The following BCR variants were observed in gnomAD, a reference collection of about 807,000 sequenced individuals.
BCR encodes BCR activator of RhoGEF and GTPase, also known as breakpoint cluster region protein.
A neutral mutation model predicts 138.6 loss-of-function variants in BCR; 58 were observed. The observed-to-expected ratio is 0.42, with a 90% CI of 0.34 to 0.52. The LOEUF is 0.52. Ranked by LOEUF, BCR falls within the 20% of genes least tolerant of loss-of-function variation. The probability of loss-of-function intolerance (pLI) is 0.06; values close to 1 mark genes in which losing one functional copy is unlikely to be tolerated. For missense variants in BCR, 1,599 were observed against 1,727.2 expected, an observed-to-expected ratio of 0.93 and a Z score of 1.32; for synonymous variants, 786 against 730.1, an observed-to-expected ratio of 1.08 and a Z score of -1.23.
chr22:23,297,501 G>C lies in BCR; in HGVS notation c.3012+2346G>C, dbSNP rs190763843. On this transcript the variant is annotated intron_variant, in intron 16 of 22. Transcript: ENST00000305877. ...CTGGGTATTCAGGGAGGTAGAGGGA[G>C]CAGACTGCAAAGCCAGTCGTGCTCC... 4.2e-3 allele frequency among the ~76,000 whole-genome samples: 638 copies of C among 152,184 alleles called. 2 individuals carry two copies. Among genetic ancestry groups the C allele is most frequent in the African/African-American group, 0.015 (610 of 41,518 alleles).
intron 1 of BCR, among the ~76,000 whole-genome samples, chr22:23,246,897 A>G (rs1466402279): frequency 2.0e-5 from 3 of 151,940 alleles, no homozygotes; most frequent in Non-Finnish European, 4.4e-5. Flanking sequence ...GGAGCCCCCA[A>G]GATCCACAGC....
At chr22:23,262,087 ACGCC>A (rs2073366689) in intron 4 of BCR, 1 of 151,468 alleles carries the variant, frequency 6.6e-6, no homozygotes, top group Non-Finnish European at 1.5e-5. Flanking sequence ...CTACAGGTGC[ACGCC>A]ATCACACCCT....
In BCR at chr22:23,277,797, C is replaced by G. The variant is rs139519340; in HGVS notation, c.2115+4023C>G. ...ATCTCATTGCCCTTTTCAGCCACAT[C>G]CCATGGCTCCAGGGCTGTGCTCTTT... On this transcript the variant is annotated intron_variant, in intron 8 of 22. Coordinates refer to ENST00000305877, the MANE Select transcript of BCR (RefSeq NM_004327.4). 5.3e-5 allele frequency among the ~76,000 whole-genome samples: 8 copies of G among 152,316 alleles called. 1 individual carries two copies. Among genetic ancestry groups the G allele is most frequent in the East Asian group, 1.9e-4 (1 of 5,178 alleles).
chr22:23,268,217 G>C (rs1430410498), intron 4 of BCR, among the ~76,000 whole-genome samples, 191 bp from the exon 5 acceptor site: 1 of 152,162 alleles, frequency 6.6e-6, no homozygotes, highest in Non-Finnish European at 1.5e-5. Context: ...TTTTGGGAGC[G>C]GGAAGTGTGC....
At position 23,313,028 on chromosome 22, in the gene BCR, A is replaced by G. The variant is rs2074025575; in HGVS notation, c.3457+7A>G. ...AACTTCGCAGAGGGCATCGGTGAGC[A>G]CTGGAGGCCTTGGCCTCATGGGAGA... On this transcript the variant is annotated splice_region_variant and intron_variant, in intron 20 of 22. Coordinates refer to ENST00000305877, the MANE Select transcript of BCR (RefSeq NM_004327.4). The G allele has an allele frequency of 1.3e-6, 2 of 1,562,004 alleles. No homozygotes were observed. Among genetic ancestry groups the G allele is most frequent in the South Asian group, 2.3e-5 (2 of 87,228 alleles).
chr22:23,222,726 A>G (rs989574482), intron 1 of BCR, among the ~76,000 whole-genome samples: 2 of 152,202 alleles, frequency 1.3e-5, no homozygotes, highest in African/African-American at 2.4e-5. Context: ...CAAGAGCCCA[A>G]GCCTTCCTCC....
At chr22:23,198,456 C>G (rs1428371872) in intron 1 of BCR, 1 of 389,002 alleles carries the variant, frequency 2.6e-6, no homozygotes, top group Admixed American at 3.7e-5. Context: ...TACTGCTGAA[C>G]AGCTATCAGG....
At chr22:23,203,108 C>T (rs1429728994) in intron 1 of BCR, among the ~76,000 whole-genome samples, 1 of 152,134 alleles carries the variant, frequency 6.6e-6, no homozygotes, top group African/African-American at 2.4e-5. Flanking sequence ...GATCTGCCCG[C>T]CTTGGCTTCT....
chr22:23,232,887 G>T (rs539917706), intron 1 of BCR, among the ~76,000 whole-genome samples: 2 of 152,382 alleles, frequency 1.3e-5, no homozygotes, highest in South Asian at 4.1e-4. Context: ...AGATGAGAGA[G>T]AAGCTGGGTT....
rs572583595 is a variant in BCR at position 23,272,034 on chromosome 22, G to T, written c.1921+442G>T. On this transcript the variant is annotated intron_variant, in intron 6 of 22. Coordinates refer to ENST00000305877, the MANE Select transcript of BCR (RefSeq NM_004327.4). ...AGAGATGGGGTTTCCCTCCGTATTG[G>T]TCAGGCTTGTCTGAACTCCTGACCT... is the stretch of plus-strand genomic sequence containing the variant. Among the ~76,000 whole-genome samples, 13 of 152,224 alleles carry T rather than the reference G, an allele frequency of 8.5e-5. No homozygotes were observed. The South Asian group carries it at 2.7e-3, about 32-fold the overall frequency.
At chr22:23,315,190 C>T (rs1297137336) in intron 22 of BCR, among the ~76,000 whole-genome samples, 2 of 152,110 alleles carry the variant, frequency 1.3e-5, no homozygotes, top group South Asian at 2.1e-4. Flanking sequence ...AGCCACTGTA[C>T]TCCAGCCTGG....
rs1050301471 is a variant in BCR, at chr22:23,210,422, GA to G, written c.1279+28199del. 6.2e-3 allele frequency among the ~76,000 whole-genome samples: 627 copies of G among 101,740 alleles called. 4 individuals are homozygous for G. Among genetic ancestry groups the G allele is most frequent in the Admixed American group, 0.023 (224 of 9,694 alleles). 66.7% of individuals were successfully genotyped at this position (101,740 alleles called of 152,430 possible). On this transcript the variant is annotated intron_variant, in intron 1 of 22. Coordinates refer to ENST00000305877, the MANE Select transcript of BCR (RefSeq NM_004327.4). ...ACAGAGTAAGACCCTGTCTCAAAAA[GA>G]AAAAAAAAAAAAAAATTAAAGGCTT...
intron 1 of BCR, among the ~76,000 whole-genome samples, chr22:23,218,966 A>C (rs1423557873): frequency 1.3e-5 from 2 of 152,198 alleles, no homozygotes; most frequent in African/African-American, 2.4e-5. Flanking sequence ...CAGAGCGGCC[A>C]GCTGGTGCCG....
chr22:23,186,129 C>A (rs1462577471), intron 1 of BCR, among the ~76,000 whole-genome samples: 1 of 152,148 alleles, frequency 6.6e-6, no homozygotes, highest in Non-Finnish European at 1.5e-5. Flanking sequence ...GAGAAGCTTC[C>A]GGAAATGGCA....
At chr22:23,254,556 G>A (rs756796147) in intron 2 of BCR, 2 of 513,654 alleles carry the variant, frequency 3.9e-6, no homozygotes, top group African/African-American at 2.0e-5. Flanking sequence ...CTCCAAGAAA[G>A]CAGTGGACCC....
At chr22:23,260,845 G>A in intron 2 of BCR, 105 bp from the exon 3 acceptor site, 1 of 1,052,264 alleles carries the variant, frequency 9.5e-7, no homozygotes, top group Non-Finnish European at 1.5e-6. Flanking sequence ...TGGGGGCAGG[G>A]GTTTGTCCAG....
chr22:23,297,016 C>T (rs916545187), intron 16 of BCR, among the ~76,000 whole-genome samples: 18 of 152,036 alleles, frequency 1.2e-4, no homozygotes, highest in African/African-American at 4.3e-4. Context: ...CTTTTTTACA[C>T]GTGCTTGCTT....
intron 11 of BCR, among the ~76,000 whole-genome samples, chr22:23,287,883 G>A (rs1224433683): frequency 6.6e-5 from 10 of 152,204 alleles, no homozygotes; most frequent in African/African-American, 9.7e-5. Flanking sequence ...CATGTAGTTC[G>A]GGTGAGAGAT....
intron 1 of BCR, among the ~76,000 whole-genome samples, chr22:23,187,253 T>C (rs2072355617): frequency 2.0e-5 from 3 of 149,438 alleles, no homozygotes; most frequent in Admixed American, 6.7e-5. Context: ...TCTGAGGATC[T>C]TTTTTTTTTA....
Sources: allele counts gnomAD v4.1 joint callset (sites outside exome capture counted in the v4.1 genomes callset), GRCh38; gene constraint gnomAD v4.1.1; transcripts MANE v1.5; gene names NCBI Gene and HGNC (gene_info 2026-07-23, HGNC 2026-07-21).